Variants in TMIGD3 observed in about 807,000 individuals in gnomAD.
The protein encoded by TMIGD3 is transmembrane and immunoglobulin domain containing 3, also known as AD026 protein (AD026).
A neutral mutation model predicts 28.1 loss-of-function variants in TMIGD3; 21 were observed. The ratio of observed to expected loss-of-function variants is 0.75; its 90% CI spans 0.53 to 1.08. TMIGD3 has a LOEUF of 1.08. Ranked by LOEUF, TMIGD3 falls within the 50% of genes least tolerant of loss-of-function variation. The probability of loss-of-function intolerance (pLI) is 0.00; values close to 1 mark genes in which losing one functional copy is unlikely to be tolerated. For missense variants in TMIGD3, 416 were observed against 435.6 expected (o/e 0.96, Z 0.40); for synonymous variants, 151 against 162.1 (o/e 0.93, Z 0.52).
At chr1:111,531,422 T>C (rs1656456259) in intron 1 of TMIGD3, among the ~76,000 whole-genome samples, 1 of 152,244 alleles carries the variant, frequency 6.6e-6, no homozygotes, top group Non-Finnish European at 1.5e-5. Flanking sequence ...GATATTGTCA[T>C]TTTCATCTCC....
At chr1:111,507,033 GTGTGTGTATATATA>G (rs780860219), upstream of TMIGD3, among the ~76,000 whole-genome samples, 1,639 of 37,166 alleles carry the variant, frequency 0.044, 14 homozygotes, top group Non-Finnish European at 0.094. Context: ...GTGTGTGTGT[GTGTGTGTATATATA>G]TATATATATA....
chr1:111,489,062 C>A, intron 2 of TMIGD3, 38 bp from the exon 3 acceptor site: 2 of 1,529,514 alleles, frequency 1.3e-6, no homozygotes, highest in Non-Finnish European at 1.8e-6. Context: ...CGTGCACACA[C>A]ACACACCATT....
intron 1 of TMIGD3, among the ~76,000 whole-genome samples, chr1:111,552,201 G>T (rs1553207099): frequency 6.6e-6 from 1 of 152,226 alleles, no homozygotes; most frequent in Non-Finnish European, 1.5e-5. Flanking sequence ...CTCTTAGGGA[G>T]TCACCAGACA....
At chr1:111,500,224 G>A (rs757472820) in intron 1 of TMIGD3, 119 of 1,614,134 alleles carry the variant, frequency 7.4e-5, no homozygotes, top group Middle Eastern at 1.6e-4. Context: ...GGACTTAGCC[G>A]TCTTGAACTC....
intron 1 of TMIGD3, among the ~76,000 whole-genome samples, chr1:111,501,697 C>T (rs545014616): frequency 1.1e-4 from 16 of 152,036 alleles, no homozygotes; most frequent in African/African-American, 3.1e-4. Flanking sequence ...TTCCGAGCAT[C>T]GTAACCACTG....
chr1:111,535,901 G>C (rs552535566), intron 1 of TMIGD3, among the ~76,000 whole-genome samples: 1 of 152,338 alleles, frequency 6.6e-6, no homozygotes, highest in Admixed American at 6.5e-5. Context: ...TATGAGGAGA[G>C]AGCATTGAAC....
chr1:111,555,141 G>T (rs1335387924), intron 1 of TMIGD3, among the ~76,000 whole-genome samples: 1 of 151,990 alleles, frequency 6.6e-6, no homozygotes, highest in Non-Finnish European at 1.5e-5. Flanking sequence ...AGAGGCAAGA[G>T]GATCAGTTGA....
At chr1:111,529,919 G>A (rs1656396879) in intron 1 of TMIGD3, among the ~76,000 whole-genome samples, 1 of 147,994 alleles carries the variant, frequency 6.8e-6, no homozygotes, top group Non-Finnish European at 1.5e-5. Context: ...CCGGGCAGAG[G>A]GGCTCCTCAC....
At chr1:111,485,237 TG>T (rs1271149177) in intron 5 of TMIGD3, 1 of 152,424 alleles carries the variant, frequency 6.6e-6, no homozygotes, top group Non-Finnish European at 1.5e-5. Flanking sequence ...GGCAGGCGCC[TG>T]TGGGCCCAGC....
chr1:111,540,136 T>C (rs1221686703), intron 1 of TMIGD3, among the ~76,000 whole-genome samples: 1 of 152,260 alleles, frequency 6.6e-6, no homozygotes, highest in Non-Finnish European at 1.5e-5. Flanking sequence ...TAGTGGTTTG[T>C]AATTTGTTAA....
At chr1:111,534,359 C>T (rs920230437) in intron 1 of TMIGD3, among the ~76,000 whole-genome samples, 1 of 152,142 alleles carries the variant, frequency 6.6e-6, no homozygotes, top group East Asian at 1.9e-4. Context: ...CCCAAAACGA[C>T]AATCTTGGCA....
rs397981230 is a variant in TMIGD3, at chr1:111,555,362, T to TAAAAAAAAAA, written c.107+8474_107+8483dup. On this transcript the variant is annotated intron_variant, in intron 1 of 5. Transcript: ENST00000369717. The stretch of plus-strand genomic sequence containing the variant: ...GCCTGGGTGACAGACTGAGACTCTG[T>TAAAAAAAAAA]AAAAAAAAAAAAAAAAAAAAAAAAA... Among the ~76,000 whole-genome samples, 75 of 47,640 alleles carry TAAAAAAAAAA rather than the reference T, an allele frequency of 1.6e-3. 2 individuals are homozygous for TAAAAAAAAAA. Among genetic ancestry groups the TAAAAAAAAAA allele is most frequent in the African/African-American group, 7.9e-3 (66 of 8,386 alleles). The allele number at this position is 47,640 out of a possible 152,430, so 31.3% of individuals were successfully genotyped here.
intron 1 of TMIGD3, among the ~76,000 whole-genome samples, chr1:111,547,529 A>C (rs1657079703): frequency 6.6e-6 from 1 of 152,216 alleles, no homozygotes. Context: ...AAGCTCCATC[A>C]ATTCAAGACA....
At chr1:111,529,191 T>G (rs1656367477) in intron 1 of TMIGD3, among the ~76,000 whole-genome samples, 1 of 151,920 alleles carries the variant, frequency 6.6e-6, no homozygotes, top group Non-Finnish European at 1.5e-5. Context: ...TACCATATTG[T>G]CTCTATCATA....
At chr1:111,533,475 A>G (rs755770792) in intron 1 of TMIGD3, among the ~76,000 whole-genome samples, 1 of 152,242 alleles carries the variant, frequency 6.6e-6, no homozygotes, top group African/African-American at 2.4e-5. Context: ...ATTTCCACAT[A>G]TCTTAGCTAA....
intron 1 of TMIGD3, among the ~76,000 whole-genome samples, chr1:111,496,849 T>A (rs1654905941): frequency 6.6e-6 from 1 of 152,232 alleles, no homozygotes; most frequent in South Asian, 2.1e-4. Flanking sequence ...TAAAAAGTCT[T>A]TGCTTCTTCT....
At chr1:111,533,742 A>G (rs1656529928) in intron 1 of TMIGD3, among the ~76,000 whole-genome samples, 2 of 152,182 alleles carry the variant, frequency 1.3e-5, no homozygotes, top group Non-Finnish European at 2.9e-5. Context: ...TATCGTAAAG[A>G]TGGAGTTTCT....
chr1:111,524,331 C>A (rs1415556300), intron 1 of TMIGD3, among the ~76,000 whole-genome samples: 3 of 151,718 alleles, frequency 2.0e-5, no homozygotes, highest in Non-Finnish European at 4.4e-5. Context: ...GCCCGGCCTT[C>A]TTTTTCTTTC....
intron 1 of TMIGD3, among the ~76,000 whole-genome samples, chr1:111,528,191 T>C (rs1656335490): frequency 6.6e-6 from 1 of 152,244 alleles, no homozygotes; most frequent in South Asian, 2.1e-4. Flanking sequence ...AGATGTAAGG[T>C]CTGTGTCCAG....
Sources: allele counts gnomAD v4.1 joint callset (sites outside exome capture counted in the v4.1 genomes callset), GRCh38; gene constraint gnomAD v4.1.1; transcripts MANE v1.5; gene names NCBI Gene and HGNC (gene_info 2026-07-23, HGNC 2026-07-21).